The following LHFPL3 variants were observed in gnomAD, a reference collection of about 807,000 sequenced individuals.
The protein encoded by LHFPL3 is LHFPL tetraspan subfamily member 3 protein.
In LHFPL3, 5 loss-of-function variants were observed where a neutral mutation model predicts 19.3. The observed-to-expected ratio is 0.26, with a 90% CI of 0.14 to 0.54. The LOEUF (loss-of-function observed/expected upper bound fraction) is 0.54, where lower values mean the gene tolerates loss of function less well. Among genes scored for constraint, LHFPL3 ranks in the 20% least tolerant of loss-of-function variants. The pLI is 0.94. For missense variants in LHFPL3, 249 were observed against 307.4 expected (o/e 0.81, Z 1.42); for synonymous variants, 133 against 126.2 (o/e 1.05, Z -0.36).
chr7:104,368,898 C>T (rs751798758), intron 1 of LHFPL3, among the ~76,000 whole-genome samples: 1 of 152,142 alleles, frequency 6.6e-6, no homozygotes, highest in Non-Finnish European at 1.5e-5. Flanking sequence ...GTAATAATAA[C>T]AGTAACACAT....
chr7:104,734,928 C>T (rs181324141), intron 1 of LHFPL3, among the ~76,000 whole-genome samples: 43 of 152,234 alleles, frequency 2.8e-4, no homozygotes, highest in African/African-American at 7.0e-4. Context: ...GTTAGTTTTC[C>T]TTTTAACAGT....
chr7:104,610,739 C>CAGTCTACTG (rs1270164611), intron 1 of LHFPL3, among the ~76,000 whole-genome samples: 1 of 152,226 alleles, frequency 6.6e-6, no homozygotes, highest in Admixed American at 6.5e-5. Context: ...CTGCTTTACT[C>CAGTCTACTG]AGTCTACTAA....
chr7:104,430,388 A>ATATACATG (rs1791944737), intron 1 of LHFPL3, among the ~76,000 whole-genome samples: 1 of 50,052 alleles, frequency 2.0e-5, no homozygotes, highest in Non-Finnish European at 3.5e-5. Context: ...ATATACATAT[A>ATATACATG]TATATATATA....
intron 1 of LHFPL3, among the ~76,000 whole-genome samples, chr7:104,391,819 A>G (rs1486213643): frequency 2.0e-5 from 3 of 152,334 alleles, no homozygotes; most frequent in Non-Finnish European, 2.9e-5. Context: ...ATCCATGAGC[A>G]TGGAATGTTC....
chr7:104,616,833 G>A (rs1791354365), intron 1 of LHFPL3, among the ~76,000 whole-genome samples: 1 of 152,072 alleles, frequency 6.6e-6, no homozygotes, highest in Admixed American at 6.6e-5. Context: ...TCAAAAAGTG[G>A]GTGAAGGATA....
chr7:104,552,257 TG>T (rs1794674960), intron 1 of LHFPL3, among the ~76,000 whole-genome samples: 1 of 152,178 alleles, frequency 6.6e-6, no homozygotes, highest in African/African-American at 2.4e-5. Context: ...GAATAAACAC[TG>T]GTAGCAAGAC....
intron 2 of LHFPL3, among the ~76,000 whole-genome samples, chr7:104,855,126 T>C (rs768513898): frequency 6.6e-6 from 1 of 152,214 alleles, no homozygotes; most frequent in African/African-American, 2.4e-5. Flanking sequence ...TCATTAATAA[T>C]TGAATCTTAA....
At chr7:104,646,751 G>GAT (rs1791942885) in intron 1 of LHFPL3, among the ~76,000 whole-genome samples, 1 of 152,208 alleles carries the variant, frequency 6.6e-6, no homozygotes. Context: ...CCACAAGAAT[G>GAT]ATATACTTAG....
At chr7:104,409,988 A>G (rs1458368595) in intron 1 of LHFPL3, among the ~76,000 whole-genome samples, 4 of 152,120 alleles carry the variant, frequency 2.6e-5, no homozygotes, top group Non-Finnish European at 5.9e-5. Flanking sequence ...TCTTCAGTGA[A>G]TATTTAAGTT....
rs1466959205 is a variant in LHFPL3 at position 104,693,005 on chromosome 7, C to T, written c.446-43670C>T. 3.3e-5 allele frequency among the ~76,000 whole-genome samples: 5 copies of T among 152,196 alleles called. No individual in the cohort carries two copies. The East Asian group carries it at 5.8e-4, about 18-fold the overall frequency. On this transcript the variant is annotated intron_variant, in intron 1 of 2. Coordinates refer to ENST00000424859, the MANE Select transcript of LHFPL3 (RefSeq NM_199000.3). ...ATGAGGGCTGTACCCTGCAAAGCCA[C>T]GAGGTTGGAGCTGCCCAAGGCCGTG...
intron 2 of LHFPL3, among the ~76,000 whole-genome samples, chr7:104,877,905 C>T (rs1271635625): frequency 6.6e-6 from 1 of 151,802 alleles, no homozygotes; most frequent in Non-Finnish European, 1.5e-5. Context: ...GCAATCTCAG[C>T]TCACTGCAAC....
At chr7:104,897,145 C>A (rs1792380152) in intron 2 of LHFPL3, among the ~76,000 whole-genome samples, 1 of 152,088 alleles carries the variant, frequency 6.6e-6, no homozygotes, top group South Asian at 2.1e-4. Context: ...TTTTAGAAAG[C>A]CCCAAAATTC....
intron 1 of LHFPL3, among the ~76,000 whole-genome samples, chr7:104,331,916 C>T (rs1345830950): frequency 1.3e-5 from 2 of 151,404 alleles, no homozygotes; most frequent in Non-Finnish European, 2.9e-5. Flanking sequence ...CACCAGTGCA[C>T]TCTAGTCTGG....
intron 1 of LHFPL3, among the ~76,000 whole-genome samples, chr7:104,457,832 T>C (rs920476149): frequency 2.1e-5 from 3 of 143,590 alleles, no homozygotes; most frequent in Admixed American, 6.8e-5. Flanking sequence ...TGGTATCTCA[T>C]TGTGGTTTTG....
chr7:104,417,857 A>ATTATTC (rs1222522601), intron 1 of LHFPL3, among the ~76,000 whole-genome samples: 69 of 125,696 alleles, frequency 5.5e-4, no homozygotes, highest in Admixed American at 9.0e-4. Flanking sequence ...TTCTTTTCTA[A>ATTATTC]TTCTTCTTCT....
At chr7:104,629,977 A>T (rs147447593) in intron 1 of LHFPL3, among the ~76,000 whole-genome samples, 13 of 152,296 alleles carry the variant, frequency 8.5e-5, no homozygotes, top group African/African-American at 3.1e-4. Flanking sequence ...TTTGTCAAAA[A>T]TCACTGACAA....
chr7:104,748,774 C>T (rs986433969), intron 2 of LHFPL3, among the ~76,000 whole-genome samples: 11 of 152,202 alleles, frequency 7.2e-5, no homozygotes, highest in South Asian at 4.2e-4. Flanking sequence ...GCTGGTTCCC[C>T]GGGTCCCCTT....
chr7:104,455,152 T>C (rs1792515483), intron 1 of LHFPL3, among the ~76,000 whole-genome samples: 1 of 152,208 alleles, frequency 6.6e-6, no homozygotes, highest in South Asian at 2.1e-4. Flanking sequence ...CATTGATGTA[T>C]AGGCAGCCCT....
chr7:104,559,489 G>A (rs373730190), intron 1 of LHFPL3, among the ~76,000 whole-genome samples: 21 of 149,610 alleles, frequency 1.4e-4, no homozygotes, highest in South Asian at 6.4e-4. Flanking sequence ...TTTGTCTGTT[G>A]TTGGTGTATA....
Sources: gnomAD v4.1 joint callset for allele counts (sites outside exome capture counted in the v4.1 genomes callset) on GRCh38, gnomAD v4.1.1 for gene constraint, MANE v1.5 for transcripts, NCBI Gene and HGNC (gene_info 2026-07-23, HGNC 2026-07-21) for gene names.